The following CNTNAP5 variants were observed in gnomAD, a reference collection of about 807,000 sequenced individuals.
The protein encoded by CNTNAP5 is contactin-associated protein-like 5.
CNTNAP5 carries 72 observed loss-of-function variants against 150.2 expected under a neutral mutation model. The observed-to-expected ratio is 0.48, with a 90% CI of 0.40 to 0.58. The LOEUF is 0.58. Ranked by LOEUF, CNTNAP5 falls within the 20% of genes least tolerant of loss-of-function variation. CNTNAP5 has a pLI of 0.00. For synonymous variants in CNTNAP5, 672 were observed against 619.8 expected (o/e 1.08, Z -1.25); for missense variants, 1,636 against 1,626.2 (o/e 1.01, Z -0.10).
chr2:124,546,632 C>T (rs79227646), intron 10 of CNTNAP5, among the ~76,000 whole-genome samples: 2 of 152,124 alleles, frequency 1.3e-5, no homozygotes, highest in Admixed American at 1.3e-4. Context: ...GACAATGTGG[C>T]TTCAAAAGCT....
At position 124,501,778 on chromosome 2, in the gene CNTNAP5, T is replaced by C. The variant is rs1573417284; in HGVS notation, c.1063-2514T>C. On this transcript the variant is annotated intron_variant, in intron 7 of 23. Transcript: ENST00000682447. ...TCAGAATAGTGGCACACAGCAGCTA[T>C]GTGACAGGAAACTGAGCTGCCAACA... 7.2e-5 allele frequency among the ~76,000 whole-genome samples: 11 copies of C among 152,292 alleles called. 1 individual carries two copies. The South Asian group carries it at 2.3e-3, about 32-fold the overall frequency.
At chr2:124,891,679 GAAGA>G (rs775419860) in intron 21 of CNTNAP5, among the ~76,000 whole-genome samples, 39 of 152,264 alleles carry the variant, frequency 2.6e-4, no homozygotes, top group Non-Finnish European at 4.0e-4. Flanking sequence ...GTGTAGAGAA[GAAGA>G]AAGTTTATTT....
intron 3 of CNTNAP5, among the ~76,000 whole-genome samples, chr2:124,250,575 G>T (rs1395127048): frequency 2.0e-5 from 3 of 152,026 alleles, no homozygotes; most frequent in Non-Finnish European, 2.9e-5. Context: ...AGATCTTGTG[G>T]TTGCAGATGA....
At chr2:124,278,837 T>C (rs1399051730) in intron 3 of CNTNAP5, among the ~76,000 whole-genome samples, 1 of 152,224 alleles carries the variant, frequency 6.6e-6, no homozygotes. Flanking sequence ...ATTTTCTTAT[T>C]TGTGTCCTAA....
intron 16 of CNTNAP5, among the ~76,000 whole-genome samples, chr2:124,766,111 T>C (rs1681063058): frequency 1.3e-5 from 2 of 152,222 alleles, no homozygotes; most frequent in South Asian, 4.1e-4. Context: ...AAAAGATGTA[T>C]TTTTAGTGAC....
At chr2:124,423,652 CTTTTT>C (rs1187961580) in intron 4 of CNTNAP5, among the ~76,000 whole-genome samples, 18 of 41,588 alleles carry the variant, frequency 4.3e-4, no homozygotes, top group South Asian at 3.9e-3. Flanking sequence ...GGCTAATTAA[CTTTTT>C]TTTTTTTTTT....
intron 1 of CNTNAP5, among the ~76,000 whole-genome samples, chr2:124,098,263 T>C (rs561916667): frequency 1.3e-5 from 2 of 152,342 alleles, no homozygotes; most frequent in East Asian, 3.9e-4. Context: ...TATTATTTAT[T>C]ACCTGGAAGT....
chr2:124,505,404 C>A (rs1012725418), intron 8 of CNTNAP5, among the ~76,000 whole-genome samples: 2 of 152,002 alleles, frequency 1.3e-5, no homozygotes, highest in Non-Finnish European at 2.9e-5. Context: ...GTTTGTATAA[C>A]CCCTAAATTC....
intron 3 of CNTNAP5, among the ~76,000 whole-genome samples, chr2:124,376,680 C>T (rs1010997396): frequency 6.6e-6 from 1 of 152,008 alleles, no homozygotes; most frequent in Admixed American, 6.6e-5. Flanking sequence ...CATGCCATTC[C>T]ATGCTAATAT....
intron 17 of CNTNAP5, among the ~76,000 whole-genome samples, chr2:124,782,582 G>C (rs1014633058): frequency 3.9e-5 from 6 of 152,066 alleles, no homozygotes; most frequent in Admixed American, 2.0e-4. Flanking sequence ...GAGAATTTTA[G>C]TTCAATTGCT....
intron 1 of CNTNAP5, among the ~76,000 whole-genome samples, chr2:124,104,147 A>G (rs1344028579): frequency 1.3e-5 from 2 of 151,346 alleles, no homozygotes; most frequent in Non-Finnish European, 2.9e-5. Context: ...CTATACAACC[A>G]AACTTCTTGA....
chr2:124,756,753 C>A (rs556366174), intron 14 of CNTNAP5, among the ~76,000 whole-genome samples: 1 of 152,070 alleles, frequency 6.6e-6, no homozygotes, highest in South Asian at 2.1e-4. Flanking sequence ...ACAACACACA[C>A]TGGGGCCTGT....
chr2:124,323,324 G>C (rs184311088), intron 3 of CNTNAP5, among the ~76,000 whole-genome samples: 1 of 152,220 alleles, frequency 6.6e-6, no homozygotes, highest in East Asian at 1.9e-4. Context: ...TGTAATAGGG[G>C]AGCACCAAAA....
chr2:124,057,373 C>T (rs1233720391), intron 1 of CNTNAP5, among the ~76,000 whole-genome samples: 1 of 150,476 alleles, frequency 6.6e-6, no homozygotes, highest in Non-Finnish European at 1.5e-5. Flanking sequence ...ACTCTGCCTC[C>T]CCGGTTCACA....
chr2:124,519,791 T>C (rs1436459769), intron 8 of CNTNAP5, among the ~76,000 whole-genome samples: 1 of 152,232 alleles, frequency 6.6e-6, no homozygotes, highest in African/African-American at 2.4e-5. Context: ...TCATTCTTTT[T>C]TTCTCTATGG....
At chr2:124,657,929 T>C (rs1439199237) in intron 13 of CNTNAP5, among the ~76,000 whole-genome samples, 1 of 152,248 alleles carries the variant, frequency 6.6e-6, no homozygotes, top group Non-Finnish European at 1.5e-5. Context: ...TGCATTGAAG[T>C]TGTTTCTATC....
chr2:124,074,169 A>G, intron 1 of CNTNAP5, among the ~76,000 whole-genome samples: 1 of 152,012 alleles, frequency 6.6e-6, no homozygotes, highest in East Asian at 1.9e-4. Context: ...TAGAGAGTAG[A>G]AGGATGATTA....
At chr2:124,609,734 A>T in intron 11 of CNTNAP5, 67 bp from the exon 12 acceptor site, 1 of 1,558,594 alleles carries the variant, frequency 6.4e-7, no homozygotes, top group African/African-American at 1.4e-5. Flanking sequence ...AGTAGGAGTT[A>T]CTGATTCCTG....
intron 1 of CNTNAP5, among the ~76,000 whole-genome samples, chr2:124,071,384 C>T (rs1682300446): frequency 6.6e-6 from 1 of 151,194 alleles, no homozygotes. Flanking sequence ...AAAATGAAAA[C>T]AATGCAAAAA....
Sources: gnomAD v4.1 joint callset for allele counts (sites outside exome capture counted in the v4.1 genomes callset) on GRCh38, gnomAD v4.1.1 for gene constraint, MANE v1.5 for transcripts, NCBI Gene and HGNC (gene_info 2026-07-23, HGNC 2026-07-21) for gene names.